RAI14: variants seen among roughly 807,000 people sequenced by gnomAD.
The protein encoded by RAI14 is ankycorbin.
A neutral mutation model predicts 115.4 loss-of-function variants in RAI14; 45 were observed. The observed-to-expected ratio is 0.39, with a 90% CI of 0.31 to 0.50. The LOEUF (loss-of-function observed/expected upper bound fraction) is 0.50, where lower values mean the gene tolerates loss of function less well. Among genes scored for constraint, RAI14 ranks in the 20% least tolerant of loss-of-function variants. The pLI is 0.85. For missense variants in RAI14, 939 were observed against 1,131.2 expected (o/e 0.83, Z 2.44); for synonymous variants, 371 against 415.4 (o/e 0.89, Z 1.30).
intron 1 of RAI14, among the ~76,000 whole-genome samples, chr5:34,657,872 G>A (rs1297385804): frequency 6.6e-6 from 1 of 152,244 alleles, no homozygotes; most frequent in Admixed American, 6.5e-5. Context: ...CAGCCTGCAG[G>A]TCCCTGTTCG....
intron 3 of RAI14, among the ~76,000 whole-genome samples, chr5:34,759,530 C>T (rs1017124016): frequency 2.6e-5 from 4 of 152,128 alleles, no homozygotes; most frequent in African/African-American, 7.2e-5. Context: ...ACTGCACATG[C>T]GAGGGATCTA....
intron 2 of RAI14, among the ~76,000 whole-genome samples, chr5:34,708,363 C>G (rs1018916052): frequency 6.6e-6 from 1 of 151,984 alleles, no homozygotes; most frequent in African/African-American, 2.4e-5. Flanking sequence ...CCACCTCGCC[C>G]GGCTAATTTT....
rs532162423 is a variant in RAI14, at chr5:34,805,764, C to T, written c.321+1988C>T. Among the ~76,000 whole-genome samples, 14 of 152,260 alleles carry T rather than the reference C, an allele frequency of 9.2e-5. No individual in the cohort carries two copies. The South Asian group carries it at 1.4e-3, about 16-fold the overall frequency. ...GCTGAGGCAGGAGAATCACTTGAACCTGGGAGGTGGAGGTTGCAGAGAGCC... is the reference window on the plus strand; with the variant it reads ...GCTGAGGCAGGAGAATCACTTGAACTTGGGAGGTGGAGGTTGCAGAGAGCC... On this transcript the variant is annotated intron_variant, in intron 5 of 17. Transcript: ENST00000265109.
intron 4 of RAI14, among the ~76,000 whole-genome samples, chr5:34,802,041 G>T (rs1754332619): frequency 6.6e-6 from 1 of 151,882 alleles, no homozygotes; most frequent in Non-Finnish European, 1.5e-5. Context: ...TCCAGCCTGG[G>T]CTCAGAAAAA....
At chr5:34,750,869 T>TTTTTTTA (rs1746906098) in intron 2 of RAI14, among the ~76,000 whole-genome samples, 2 of 147,840 alleles carry the variant, frequency 1.4e-5, no homozygotes, top group Non-Finnish European at 3.0e-5. Context: ...TTTTTTTTTT[T>TTTTTTTA]GAGGTGGAGT....
At chr5:34,759,362 T>G (rs1748319991) in intron 3 of RAI14, among the ~76,000 whole-genome samples, 1 of 152,184 alleles carries the variant, frequency 6.6e-6, no homozygotes, top group Admixed American at 6.5e-5. Context: ...CAGACCGGAC[T>G]GGTACTGCTC....
At position 34,776,285 on chromosome 5, in the gene RAI14, G is replaced by T. The variant is rs1750824146; in HGVS notation, c.167+18687G>T. 2.0e-5 allele frequency among the ~76,000 whole-genome samples: 3 copies of T among 152,192 alleles called. No homozygotes were observed. In the South Asian group the frequency reaches 6.2e-4, roughly 31 times the overall value. On this transcript the variant is annotated intron_variant, in intron 3 of 17. Transcript: ENST00000265109. ...GGGAAGGGTAGTGGGTTGGGGGAAA[G>T]TGGGGAGGTTAATGGGTATAAAAAT...
chr5:34,657,518 G>T (rs1742368128), intron 1 of RAI14, among the ~76,000 whole-genome samples: 1 of 152,152 alleles, frequency 6.6e-6, no homozygotes, highest in African/African-American at 2.4e-5. Context: ...GCCCAGCTAA[G>T]CCCAACTTTA....
intron 15 of RAI14, among the ~76,000 whole-genome samples, chr5:34,824,937 A>C (rs112938753): frequency 8.0e-6 from 1 of 124,394 alleles, no homozygotes; most frequent in East Asian, 2.4e-4. Flanking sequence ...GAGTGAACAG[A>C]CTTCATCTCA....
chr5:34,825,117 A>G (rs1757306378), intron 15 of RAI14, among the ~76,000 whole-genome samples: 1 of 152,078 alleles, frequency 6.6e-6, no homozygotes, highest in African/African-American at 2.4e-5. Context: ...TGTACAAAAA[A>G]TTTAAAAATT....
chr5:34,828,742 G>C (rs10941220), intron 16 of RAI14, among the ~76,000 whole-genome samples: 53,509 of 151,878 alleles, frequency 0.35, 10,843 homozygotes, highest in South Asian at 0.51. Context: ...AGAGGAACTG[G>C]AGTAATAGCT....
At chr5:34,773,646 G>GA (rs796277868) in intron 3 of RAI14, among the ~76,000 whole-genome samples, 140 of 151,816 alleles carry the variant, frequency 9.2e-4, no homozygotes, top group African/African-American at 3.2e-3. Context: ...ACAGCTATAT[G>GA]AAAAAAAATA....
At position 34,827,045 on chromosome 5, in the gene RAI14, A is replaced by C. The variant is rs1757523831; in HGVS notation, c.2799+566A>C. On this transcript the variant is annotated intron_variant, in intron 16 of 17. Coordinates refer to ENST00000265109, the MANE Select transcript of RAI14 (RefSeq NM_015577.3). The surrounding 1 kb of genome is among the most constrained non-coding windows in gnomAD (Gnocchi z 4.2). ...AAATCACTTTCACTGGACTAACTTCAAGTTGTTGGCAGGGCTGGTTCCTCC... is the reference window on the plus strand; with the variant it reads ...AAATCACTTTCACTGGACTAACTTCCAGTTGTTGGCAGGGCTGGTTCCTCC... Among the ~76,000 whole-genome samples, 1 of 152,178 alleles carries C rather than the reference A, an allele frequency of 6.6e-6. No homozygotes were observed. The highest frequency in any genetic ancestry group is 1.5e-5 in the Non-Finnish European group (1 of 68,032).
At position 34,774,319 on chromosome 5, in the gene RAI14, C is replaced by T. The variant is rs565218578; in HGVS notation, c.167+16721C>T. Among the ~76,000 whole-genome samples, 7 of 152,038 alleles carry T rather than the reference C, an allele frequency of 4.6e-5. No homozygotes were observed. The South Asian group carries it at 1.2e-3, about 27-fold the overall frequency. On this transcript the variant is annotated intron_variant, in intron 3 of 17. Coordinates refer to ENST00000265109, the MANE Select transcript of RAI14 (RefSeq NM_015577.3). ...CCGAGAGGCAGAGGTTGCAGTGAGC[C>T]GAGATTGCACCATTGCCCTCTAGCC...
chr5:34,729,783 A>C (rs1194311962), intron 2 of RAI14, among the ~76,000 whole-genome samples: 1 of 152,212 alleles, frequency 6.6e-6, no homozygotes, highest in Non-Finnish European at 1.5e-5. Flanking sequence ...TAAGAGACTC[A>C]TGAGACAGAG....
chr5:34,716,951 A>G (rs1384657135), intron 2 of RAI14: 2 of 152,088 alleles, frequency 1.3e-5, no homozygotes, highest in Non-Finnish European at 2.9e-5. Flanking sequence ...CCCCCTCACA[A>G]TGTATTTTTT....
chr5:34,799,493 GACACACACACACACACACACACAC>G (rs780186006), intron 4 of RAI14, among the ~76,000 whole-genome samples: 4 of 124,042 alleles, frequency 3.2e-5, no homozygotes, highest in African/African-American at 5.7e-5. Flanking sequence ...CACACACACA[GACACACACACACACACACACACAC>G]ACACACACAC....
chr5:34,703,512 A>G (rs751763926), intron 2 of RAI14, among the ~76,000 whole-genome samples: 5 of 152,346 alleles, frequency 3.3e-5, no homozygotes, highest in East Asian at 1.9e-4. Flanking sequence ...AATGCTTTCA[A>G]TGTGTTTCTA....
chr5:34,731,874 C>T (rs558707351), intron 2 of RAI14, among the ~76,000 whole-genome samples: 3 of 152,332 alleles, frequency 2.0e-5, no homozygotes, highest in South Asian at 4.1e-4. Flanking sequence ...AAACGAATGA[C>T]CTGACCTTCC....
Sources: gnomAD v4.1 joint callset for allele counts (sites outside exome capture counted in the v4.1 genomes callset) on GRCh38, gnomAD v4.1.1 for gene constraint, Gnocchi (gnomAD v3.1) non-coding constraint, MANE v1.5 for transcripts, NCBI Gene and HGNC (gene_info 2026-07-23, HGNC 2026-07-21) for gene names.